Variants in PRKCQ observed in about 807,000 individuals in gnomAD.
PRKCQ encodes the protein protein kinase C theta type.
Under a neutral mutation model 91.2 loss-of-function variants are expected in PRKCQ, and 41 were observed. The ratio of observed to expected loss-of-function variants is 0.45; its 90% CI spans 0.35 to 0.58. The LOEUF (loss-of-function observed/expected upper bound fraction) is 0.58, where lower values mean the gene tolerates loss of function less well. Among genes scored for constraint, PRKCQ ranks in the 20% least tolerant of loss-of-function variants. The pLI is 0.00. For synonymous variants in PRKCQ, 307 were observed against 316.9 expected (o/e 0.97, Z 0.33); for missense variants, 673 against 896.5 (o/e 0.75, Z 3.18).
chr10:6,396,022 G>C, the PRKCQ span, among the ~76,000 whole-genome samples: 5 of 151,918 alleles, frequency 3.3e-5, no homozygotes, highest in African/African-American at 1.2e-4. Flanking sequence ...CTAGCTCCAG[G>C]GACTGAAAAA....
At chr10:6,405,654 C>T in the PRKCQ span, among the ~76,000 whole-genome samples, 1 of 152,194 alleles carries the variant, frequency 6.6e-6, no homozygotes, top group Non-Finnish European at 1.5e-5. Flanking sequence ...TGCCTTGCGT[C>T]TTCCCAACTA....
chr10:6,558,069 C>G (rs545711296), intron 1 of PRKCQ, among the ~76,000 whole-genome samples: 1 of 152,156 alleles, frequency 6.6e-6, no homozygotes, highest in African/African-American at 2.4e-5. Context: ...CACCCCTACA[C>G]GGGCCATGTG....
In PRKCQ at chr10:6,497,248, G is replaced by T. The variant is rs1588767556; in HGVS notation, c.546C>A (p.Gly182=). The T allele has an allele frequency of 6.2e-7, 1 of 1,614,058 alleles. No homozygotes were observed. Among genetic ancestry groups the T allele is most frequent in the Non-Finnish European group, 8.5e-7 (1 of 1,180,008 alleles). ...GGCACTGGTAGCCCTGTTTGTTCAGGCCCCTGTAATAAAGCACACGCTGAT... is the reference window on the plus strand; with the variant it reads ...GGCACTGGTAGCCCTGTTTGTTCAGTCCCCTGTAATAAAGCACACGCTGAT... ...FCSVCHEFVW[G]LNKQGYQCRQ... Residue 182 remains glycine, a synonymous_variant, in exon 6 of 18, where the codon GGC becomes GGA. Transcript: ENST00000263125. The surrounding 1 kb of genome is among the most constrained non-coding windows in gnomAD (Gnocchi z 4.5).
chr10:6,465,477 C>T lies in PRKCQ; in HGVS notation c.1354-1073G>A, dbSNP rs532776141. Among the ~76,000 whole-genome samples, 2 of 152,104 alleles carry T rather than the reference C, an allele frequency of 1.3e-5. No homozygotes were observed. The highest frequency in any genetic ancestry group is 3.9e-4 in the East Asian group (2 of 5,180). On this transcript the variant is annotated intron_variant, in intron 12 of 17. Transcript: ENST00000263125. This position sits in a 1 kb window ranked among gnomAD's most constrained non-coding sequence, Gnocchi z 4.4. ...AATGATGTGAGACAATTTTTTTTTC[C>T]AATAAATGTATTTATAACACTTTAG...
chr10:6,429,356 C>T (rs681023), intron 17 of PRKCQ, among the ~76,000 whole-genome samples: 149,460 of 152,370 alleles, frequency 0.98, 73,370 homozygotes, highest in East Asian at 1. Flanking sequence ...GACTAACCCA[C>T]GTATTAGATG....
chr10:6,519,657 CTAAA>C (rs1259403395), intron 1 of PRKCQ, among the ~76,000 whole-genome samples: 3 of 152,150 alleles, frequency 2.0e-5, no homozygotes, highest in African/African-American at 7.2e-5. Flanking sequence ...GTGCTGCACA[CTAAA>C]TGTCATTGTG....
At chr10:6,400,425 G>C in the PRKCQ span, among the ~76,000 whole-genome samples, 4 of 152,244 alleles carry the variant, frequency 2.6e-5, no homozygotes, top group East Asian at 7.7e-4. Context: ...TACCAACCTC[G>C]CTGTGTTGTT....
At chr10:6,559,702 A>G (rs1840551697) in intron 1 of PRKCQ, among the ~76,000 whole-genome samples, 1 of 152,152 alleles carries the variant, frequency 6.6e-6, no homozygotes, top group Non-Finnish European at 1.5e-5. Context: ...AGCAAGTACA[A>G]TATCAGATAT....
chr10:6,537,105 A>T (rs1264212802), intron 1 of PRKCQ, among the ~76,000 whole-genome samples: 2 of 152,126 alleles, frequency 1.3e-5, no homozygotes, highest in Non-Finnish European at 2.9e-5. Context: ...GGGGATGCAG[A>T]AGAGGCGGTT....
intron 14 of PRKCQ, among the ~76,000 whole-genome samples, chr10:6,459,559 T>C (rs928919462): frequency 2.0e-5 from 3 of 152,234 alleles, no homozygotes; most frequent in Non-Finnish European, 2.9e-5. Context: ...GGTCTTTTTT[T>C]CCAAATGTAA....
intron 16 of PRKCQ, 92 bp downstream of exon 16, chr10:6,441,801 G>T: frequency 1.5e-6 from 2 of 1,295,522 alleles, no homozygotes; most frequent in Non-Finnish European, 2.1e-6. Context: ...ATCATTGTTT[G>T]CCACATGCAA....
intron 1 of PRKCQ, among the ~76,000 whole-genome samples, chr10:6,515,754 T>C (rs1254336250): frequency 1.3e-5 from 2 of 152,106 alleles, no homozygotes; most frequent in Non-Finnish European, 2.9e-5. Flanking sequence ...TCCAAACTAA[T>C]TGACTACTAT....
intron 3 of PRKCQ, among the ~76,000 whole-genome samples, chr10:6,508,814 A>G (rs764192705): frequency 7.9e-5 from 12 of 152,336 alleles, no homozygotes; most frequent in Non-Finnish European, 1.5e-4. Context: ...CTGGAAAAAC[A>G]GCACCCATAG....
chr10:6,483,549 C>A lies in PRKCQ; in HGVS notation c.1070G>T (p.Cys357Phe). 6.2e-7 allele frequency: 1 copy of A among 1,614,182 alleles called. No homozygotes were observed. Among genetic ancestry groups the A allele is most frequent in the Non-Finnish European group, 8.5e-7 (1 of 1,180,014 alleles). Residue 357 changes from cysteine (C) to phenylalanine (F), a missense_variant, in exon 11 of 18, where the codon TGC (cysteine) becomes TTC (phenylalanine). Physicochemically the swap from Cys to Phe is radical, Grantham distance 205. Coordinates refer to ENST00000263125, the MANE Select transcript of PRKCQ (RefSeq NM_006257.5). The part of the protein sequence containing the change: ...ESPLDEVDKM[C>F]HLPEPELNKE... ...GTTCAGTTCAGGTTCTGGAAGATGG[C>A]ACATTTTATCCACCTCATCCAACGG...
At position 6,516,379 on chromosome 10, in the gene PRKCQ, G is replaced by T. The variant is rs898770557; in HGVS notation, c.-9-1235C>A. Among the ~76,000 whole-genome samples, 6 of 152,276 alleles carry T rather than the reference G, an allele frequency of 3.9e-5. No individual in the cohort carries two copies. In the East Asian group the frequency reaches 1.2e-3, roughly 29 times the overall value. ...TTTGGAAGTTTTATCTAAAGGAGAT[G>T]GTTGGGTAAACATCATGATTTGCTG... On this transcript the variant is annotated intron_variant, in intron 1 of 17. Transcript: ENST00000263125.
the PRKCQ span, among the ~76,000 whole-genome samples, chr10:6,415,421 T>TATATATATAC: frequency 7.5e-5 from 1 of 13,412 alleles, no homozygotes; most frequent in Non-Finnish European, 2.7e-4. Flanking sequence ...TATATATATA[T>TATATATATAC]ATATATATAT....
chr10:6,450,094 A>C (rs1489803413), intron 15 of PRKCQ, among the ~76,000 whole-genome samples: 3 of 148,836 alleles, frequency 2.0e-5, no homozygotes, highest in Non-Finnish European at 4.5e-5. Flanking sequence ...TATTAACTTT[A>C]AATGTAAATG....
chr10:6,519,551 G>C (rs1838912144), intron 1 of PRKCQ, among the ~76,000 whole-genome samples: 1 of 152,024 alleles, frequency 6.6e-6, no homozygotes, highest in Non-Finnish European at 1.5e-5. Context: ...TTACAACCCA[G>C]ACCCCTGCAA....
chr10:6,410,458 G>A, the PRKCQ span, among the ~76,000 whole-genome samples: 1 of 152,218 alleles, frequency 6.6e-6, no homozygotes, highest in Non-Finnish European at 1.5e-5. Flanking sequence ...GGGAGGAAAT[G>A]TAGGGCAGAG....
Sources: gnomAD v4.1 joint callset for allele counts (sites outside exome capture counted in the v4.1 genomes callset) on GRCh38, gnomAD v4.1.1 for gene constraint, Gnocchi (gnomAD v3.1) non-coding constraint, MANE v1.5 for transcripts, NCBI Gene and HGNC (gene_info 2026-07-23, HGNC 2026-07-21) for gene names.